The following SLC20A2 variants were observed in gnomAD, a reference collection of about 807,000 sequenced individuals.
The protein encoded by SLC20A2 is solute carrier family 20 member 2.
Under a neutral mutation model 61.0 loss-of-function variants are expected in SLC20A2, and 30 were observed. That is an observed-to-expected ratio of 0.49 (90% CI 0.37 to 0.67). The LOEUF (loss-of-function observed/expected upper bound fraction) is 0.67. Among genes scored for constraint, SLC20A2 ranks in the 30% least tolerant of loss-of-function variants. SLC20A2 has a pLI of 0.00. For missense variants in SLC20A2, 626 were observed against 866.4 expected (o/e 0.72, Z 3.48); for synonymous variants, 351 against 353.3 (o/e 0.99, Z 0.07).
upstream of SLC20A2, among the ~76,000 whole-genome samples, chr8:42,504,358 G>T (rs1252384795): frequency 6.6e-6 from 1 of 152,146 alleles, no homozygotes; most frequent in African/African-American, 2.4e-5. Context: ...TCTCAAAAAG[G>T]TTAAGAGCCA....
At chr8:42,430,357 T>G (rs376477774) in intron 8 of SLC20A2, 108 bp from the exon 9 acceptor site, 1 of 939,870 alleles carries the variant, frequency 1.1e-6, no homozygotes, top group Non-Finnish European at 1.6e-6. Flanking sequence ...TCCACAGATA[T>G]GATGTTTTTC....
chr8:42,457,851 A>G (rs1161372385), intron 5 of SLC20A2, among the ~76,000 whole-genome samples: 1 of 152,198 alleles, frequency 6.6e-6, no homozygotes, highest in Non-Finnish European at 1.5e-5. Context: ...AGGTTATATA[A>G]TGTTAGAATC....
upstream of SLC20A2, among the ~76,000 whole-genome samples, chr8:42,505,035 T>C (rs759123258): frequency 1.3e-5 from 2 of 151,452 alleles, no homozygotes; most frequent in African/African-American, 4.9e-5. Flanking sequence ...ACGCAGTTTA[T>C]GTGCAATGTG....
chr8:42,518,406 A>C (rs567160862), intron 1 of SLC20A2, among the ~76,000 whole-genome samples: 1 of 152,242 alleles, frequency 6.6e-6, no homozygotes, highest in Admixed American at 6.5e-5. Flanking sequence ...AGTTAAATCT[A>C]TATCTATTGA....
intron 1 of SLC20A2, among the ~76,000 whole-genome samples, chr8:42,477,216 T>C (rs1211609916): frequency 6.6e-6 from 1 of 152,206 alleles, no homozygotes; most frequent in Non-Finnish European, 1.5e-5. Context: ...ACAAACTTAA[T>C]TGGGTAGAAG....
intron 1 of SLC20A2, among the ~76,000 whole-genome samples, chr8:42,518,528 A>T (rs759019402): frequency 2.0e-5 from 3 of 152,220 alleles, no homozygotes; most frequent in Non-Finnish European, 4.4e-5. Context: ...GTCATTATAC[A>T]TGCTTTGGAG....
chr8:42,538,062 T>TAA (rs1310621122), intron 1 of SLC20A2: 15 of 152,230 alleles, frequency 9.9e-5, no homozygotes, highest in African/African-American at 2.2e-4. Flanking sequence ...ACGACATAAG[T>TAA]ATTAACTCTT....
At chr8:42,478,865 T>A (rs1808358009) in intron 1 of SLC20A2, among the ~76,000 whole-genome samples, 1 of 151,490 alleles carries the variant, frequency 6.6e-6, no homozygotes, top group Admixed American at 6.6e-5. Flanking sequence ...GGTATATAGA[T>A]TATACAGTGA....
intron 1 of SLC20A2, among the ~76,000 whole-genome samples, chr8:42,488,071 T>A (rs1809178991): frequency 6.6e-6 from 1 of 152,170 alleles, no homozygotes; most frequent in African/African-American, 2.4e-5. Context: ...TTTCCTTCCT[T>A]TTTGAGACCA....
intron 2 of SLC20A2, among the ~76,000 whole-genome samples, chr8:42,471,780 C>T (rs1807656928): frequency 6.6e-6 from 1 of 152,162 alleles, no homozygotes; most frequent in Non-Finnish European, 1.5e-5. Context: ...CTTAGACAAC[C>T]TTCAAACAAC....
chr8:42,443,476 C>A (rs1436251684), intron 6 of SLC20A2, among the ~76,000 whole-genome samples: 1 of 151,176 alleles, frequency 6.6e-6, no homozygotes, highest in Non-Finnish European at 1.5e-5. Context: ...CCACCAGGGC[C>A]CAGCTAATTT....
At chr8:42,443,419 A>C (rs897813140) in intron 6 of SLC20A2, among the ~76,000 whole-genome samples, 12 of 150,388 alleles carry the variant, frequency 8.0e-5, no homozygotes, top group Non-Finnish European at 3.0e-5. Flanking sequence ...GGGTTCAAGC[A>C]ATTCTCCTGT....
chr8:42,533,298 A>T (rs1485288437), intron 1 of SLC20A2, among the ~76,000 whole-genome samples: 1 of 152,134 alleles, frequency 6.6e-6, no homozygotes. Context: ...CTTCGTTCTA[A>T]TCAACAAACT....
At chr8:42,434,759 A>G (rs1454270659) in intron 8 of SLC20A2, among the ~76,000 whole-genome samples, 1 of 152,142 alleles carries the variant, frequency 6.6e-6, no homozygotes, top group Admixed American at 6.6e-5. Flanking sequence ...CCTGCTCCAA[A>G]GCCCCAGAAT....
In SLC20A2 at chr8:42,447,513, TA is replaced by T. The variant is rs531113912; in HGVS notation, c.614-2752del. ...TAACACGGTGAAACCCCGTCTCTAC[TA>T]AAAATACAAAAAAATTAGCCAGGCG... On this transcript the variant is annotated intron_variant, in intron 5 of 10. Transcript: ENST00000520262. Among the ~76,000 whole-genome samples the T allele has an allele frequency of 1.9e-4, 29 of 150,762 alleles. No individual in the cohort carries two copies. The East Asian group carries it at 5.1e-3, about 26-fold the overall frequency.
At chr8:42,508,839 G>A (rs980972851) in intron 1 of SLC20A2, among the ~76,000 whole-genome samples, 3 of 152,202 alleles carry the variant, frequency 2.0e-5, no homozygotes, top group African/African-American at 7.2e-5. Context: ...TGAGATTCAA[G>A]CTCCATCAAG....
At chr8:42,485,917 C>A (rs371932276) in intron 1 of SLC20A2, among the ~76,000 whole-genome samples, 3 of 150,322 alleles carry the variant, frequency 2.0e-5, no homozygotes, top group African/African-American at 7.4e-5. Context: ...CTGCACTCCA[C>A]CCTGGCGACA....
chr8:42,452,460 TGGA>T (rs1805810922), intron 5 of SLC20A2, among the ~76,000 whole-genome samples: 1 of 84,124 alleles, frequency 1.2e-5, no homozygotes, highest in Non-Finnish European at 2.4e-5. Context: ...GAGGAAGAGA[TGGA>T]GAAGGAGGAA....
At chr8:42,488,674 T>C (rs1052662474) in intron 1 of SLC20A2, among the ~76,000 whole-genome samples, 5 of 152,144 alleles carry the variant, frequency 3.3e-5, no homozygotes, top group Admixed American at 1.3e-4. Flanking sequence ...TGCACAAGGG[T>C]TCCAATTTCT....
Sources: gnomAD v4.1 joint callset for allele counts (sites outside exome capture counted in the v4.1 genomes callset) on GRCh38, gnomAD v4.1.1 for gene constraint, MANE v1.5 for transcripts, NCBI Gene and HGNC (gene_info 2026-07-23, HGNC 2026-07-21) for gene names.